The following INF2 variants were observed in gnomAD, a reference collection of about 807,000 sequenced individuals.
INF2 encodes inverted formin 2.
INF2 carries 43 observed loss-of-function variants against 123.5 expected under a neutral mutation model. The observed-to-expected ratio is 0.35, with a 90% confidence interval of 0.27 to 0.45. The LOEUF is 0.45. Ranked by LOEUF, INF2 falls within the 20% of genes least tolerant of loss-of-function variation. The pLI is 1.00. For missense variants in INF2, 1,453 were observed against 1,682.7 expected (o/e 0.86, Z 2.39); for synonymous variants, 851 against 745.0 (o/e 1.14, Z -2.32).
chr14:104,715,476 C>T (rs1024836506), intron 22 of INF2, 136 bp downstream of exon 22: 8 of 838,052 alleles, frequency 9.5e-6, no homozygotes, highest in Admixed American at 1.8e-5. Context: ...GTGGCCTTGC[C>T]GCTCCCGCAG....
At chr14:104,684,925 C>T (rs925068824), upstream of INF2, 2 of 152,218 alleles carry the variant, frequency 1.3e-5, no homozygotes, top group African/African-American at 2.4e-5. The surrounding 1 kb of genome is among the most constrained non-coding windows in gnomAD (Gnocchi z 5.0). Flanking sequence ...AACTCCCGGC[C>T]AAGAGCACTA....
At chr14:104,698,038 A>G (rs538968485) in intron 1 of INF2, among the ~76,000 whole-genome samples, 1 of 152,366 alleles carries the variant, frequency 6.6e-6, no homozygotes, top group Admixed American at 6.5e-5. Context: ...TGTAGAAAAG[A>G]TTGCGAAGAA....
chr14:104,711,653 C>T lies in INF2; in HGVS notation c.2443C>T (p.Leu815Phe). Residue 815 changes from leucine (L) to phenylalanine (F), a missense_variant, in exon 16 of 23, where the codon CTC becomes TTC. Physicochemically the swap from Leu to Phe is conservative, Grantham distance 22. Coordinates refer to ENST00000392634, the MANE Select transcript of INF2 (RefSeq NM_022489.4). Reference protein sequence around the residue: ...LEEAEKSHPDLLQLPRDLEQP... With the variant: ...LEEAEKSHPDFLQLPRDLEQP... ...GGAAGCGGAAAAGAGCCACCCCGACCTCCTGCAGCTGCCCCGGGACCTGGA... is the reference window on the plus strand; with the variant it reads ...GGAAGCGGAAAAGAGCCACCCCGACTTCCTGCAGCTGCCCCGGGACCTGGA... 1.2e-6 allele frequency: 2 copies of T among 1,612,528 alleles called. No homozygotes were observed. Among genetic ancestry groups the T allele is most frequent in the Non-Finnish European group, 1.7e-6 (2 of 1,179,722 alleles).
At chr14:104,711,056 G>T in intron 14 of INF2, 23 bp from the exon 15 acceptor site, 1 of 1,605,894 alleles carries the variant, frequency 6.2e-7, no homozygotes, top group South Asian at 1.1e-5. Context: ...GGGCTGGTGA[G>T]ACTCACTCCC....
At chr14:104,709,575 G>A in intron 11 of INF2, 45 bp from the exon 12 acceptor site, 1 of 1,561,048 alleles carries the variant, frequency 6.4e-7, no homozygotes, top group Non-Finnish European at 8.8e-7. Flanking sequence ...GGGAGGGCGG[G>A]AAGCTGGCAT....
intron 12 of INF2, 114 bp from the exon 13 acceptor site, chr14:104,709,974 G>A (rs1889969152): frequency 3.1e-6 from 3 of 968,678 alleles, no homozygotes; most frequent in East Asian, 2.6e-5. Flanking sequence ...GGGGCAGGCG[G>A]TGGAAACCCC....
At chr14:104,698,505 G>T (rs911955748) in intron 1 of INF2, among the ~76,000 whole-genome samples, 12 of 152,248 alleles carry the variant, frequency 7.9e-5, no homozygotes, top group Admixed American at 6.5e-4. Flanking sequence ...TATAGACACA[G>T]GGAAGGCTCG....
chr14:104,712,899 C>T lies in INF2; in HGVS notation c.2682C>T (p.Ala894=), dbSNP rs770520588. 2.2e-5 allele frequency: 35 copies of T among 1,612,572 alleles called. No homozygotes were observed. Among genetic ancestry groups the T allele is most frequent in the East Asian group, 8.9e-5 (4 of 44,888 alleles). The change falls in exon 18 of 23, where the codon GCC becomes GCT. Residue 894 remains alanine (A), a synonymous_variant. Coordinates refer to ENST00000392634, the MANE Select transcript of INF2 (RefSeq NM_022489.4). Reference sequence around the variant, plus strand: ...TCGAGCAGAAGCAACGGGAGCTGGCCGACTACCTGTGTGAGGACGCCCAGC... The same window carrying T: ...TCGAGCAGAAGCAACGGGAGCTGGCTGACTACCTGTGTGAGGACGCCCAGC... ...EAIEQKQREL[A]DYLCEDAQQL... is the part of the protein sequence containing the mutation.
chr14:104,681,169 G>C, exon 1 of INF2: 1 of 284,684 alleles, frequency 3.5e-6, no homozygotes, highest in South Asian at 3.3e-5. Context: ...AGGATCCACA[G>C]ACTGGCATAT....
At position 104,710,207 on chromosome 14, in the gene INF2, G is replaced by A; in HGVS notation, c.2239+19G>A. ...TGCGAAAGTGAGTGGGGCCAAGCGG[G>A]GCACGTGTGCAGGAGGGACAGGCCT... is the stretch of plus-strand genomic sequence containing the variant. On this transcript the variant is annotated intron_variant, in intron 13 of 22. Transcript: ENST00000392634. 7.9e-6 allele frequency: 12 copies of A among 1,527,644 alleles called. No individual in the cohort carries two copies. The highest frequency in any genetic ancestry group is 1.4e-5 in the African/African-American group (1 of 72,784). The allele number at this position is 1,527,644 out of a possible 1,614,324, so 94.6% of individuals were successfully genotyped here.
intron 1 of INF2, among the ~76,000 whole-genome samples, chr14:104,683,531 G>A (rs978265497): frequency 6.6e-6 from 1 of 152,056 alleles, no homozygotes; most frequent in Non-Finnish European, 1.5e-5. Context: ...AGGCCCGCAG[G>A]GGAGGGCAGA....
rs1566781651 is a variant in INF2 at position 104,707,586 on chromosome 14, C to T, written c.1319C>T (p.Pro440Leu). The change falls in exon 8 of 23, where the codon CCT (proline) becomes CTT (leucine). Residue 440 changes from proline to leucine, a missense_variant. Physicochemically the swap from Pro to Leu is moderately conservative, Grantham distance 98. This residue lies in a region of INF2 where 374 missense variants were observed against 303.7 expected (regional missense o/e 1.23). Coordinates refer to ENST00000392634, the MANE Select transcript of INF2 (RefSeq NM_022489.4). ...LPGSSAEPPP[P>L]PPPPPLPSVG... Reference sequence around the variant, plus strand: ...GGTTCCAGTGCCGAGCCCCCTCCCCCTCCCCCACCACCCCCCCTGCCCAGT... The same window carrying T: ...GGTTCCAGTGCCGAGCCCCCTCCCCTTCCCCCACCACCCCCCCTGCCCAGT... 1.8e-6 allele frequency: 2 copies of T among 1,083,194 alleles called. No homozygotes were observed. Among genetic ancestry groups the T allele is most frequent in the East Asian group, 5.1e-5 (1 of 19,554 alleles). 67.1% of individuals were successfully genotyped at this position (1,083,194 alleles called of 1,614,324 possible).
intron 2 of INF2, 112 bp downstream of exon 2, chr14:104,701,868 A>C: frequency 8.2e-7 from 1 of 1,218,766 alleles, no homozygotes; most frequent in Non-Finnish European, 1.1e-6. Flanking sequence ...AAGCGCAGCC[A>C]GGCAGGCAAG....
At chr14:104,687,728 G>C (rs908183415), upstream of INF2, among the ~76,000 whole-genome samples, 1 of 152,090 alleles carries the variant, frequency 6.6e-6, no homozygotes, top group Admixed American at 6.5e-5. This position sits in a 1 kb window ranked among gnomAD's most constrained non-coding sequence, Gnocchi z 5.6. Flanking sequence ...TCCCCCATCA[G>C]GGCAGGAAAG....
Position 104,721,431 on chromosome 14 carries a change from CTG to C in INF2, c.*2642_*2643del, listed in dbSNP as rs1462200051. On this transcript the variant is annotated 3_prime_UTR_variant, in exon 23 of 23. Coordinates refer to ENST00000392634, the MANE Select transcript of INF2 (RefSeq NM_022489.4). ...CTCGTGTGGATGCTGCTGTGGACGTCTGTGTAGTCTCATGTGGATGCTGCGAG... is the reference window on the plus strand; with the variant it reads ...CTCGTGTGGATGCTGCTGTGGACGTCTGTAGTCTCATGTGGATGCTGCGAG... 1.2e-5 allele frequency: 2 copies of C among 161,532 alleles called. No homozygotes were observed. Among genetic ancestry groups the C allele is most frequent in the Non-Finnish European group, 2.7e-5 (2 of 73,918 alleles). The allele number at this position is 161,532 out of a possible 1,614,324, so 10.0% of individuals were successfully genotyped here. A position where few individuals can be genotyped will look rare whatever the true frequency, so the allele number is the denominator to read the frequency against.
intron 1 of INF2, among the ~76,000 whole-genome samples, chr14:104,691,957 G>A (rs1456312117): frequency 1.3e-5 from 2 of 152,118 alleles, no homozygotes; most frequent in African/African-American, 4.8e-5. Flanking sequence ...GGAGAGCAGG[G>A]CAGACCGGTG....
chr14:104,689,301 G>GAGGCGGTGGAGGGCAGGGACGGGGC (rs1888806159), upstream of INF2: 1 of 968,948 alleles, frequency 1.0e-6, no homozygotes, highest in African/African-American at 1.8e-5. Context: ...AGGTGGACGG[G>GAGGCGGTGGAGGGCAGGGACGGGGC]AGGCGGTGGA....
At chr14:104,706,203 G>A (rs1396027398) in intron 6 of INF2, 27 bp downstream of exon 6, 3 of 1,544,786 alleles carry the variant, frequency 1.9e-6, no homozygotes, top group Non-Finnish European at 2.6e-6. Context: ...AGGGCGGAGG[G>A]CAGCCCTCCA....
chr14:104,707,644 G>T lies in INF2; in HGVS notation c.1377G>T (p.Pro459=), dbSNP rs776870726. The change falls in exon 8 of 23, where the codon CCG becomes CCT. Residue 459 remains proline, a synonymous_variant. Transcript: ENST00000392634. Reference sequence around the variant, plus strand: ...CTAAGGCCCTCCCAACAGCACCCCCGCCCCCACCCCTGCCAGGCCTGGGGG... The same window carrying T: ...CTAAGGCCCTCCCAACAGCACCCCCTCCCCCACCCCTGCCAGGCCTGGGGG... ...VGAKALPTAP[P]PPPLPGLGAM... 2 of 394,368 alleles carry T rather than the reference G, an allele frequency of 5.1e-6. No homozygotes were observed. The highest frequency in any genetic ancestry group is 8.5e-6 in the Non-Finnish European group (2 of 236,512). The allele number at this position is 394,368 out of a possible 1,614,324, so 24.4% of individuals were successfully genotyped here. A position where few individuals can be genotyped will look rare whatever the true frequency, so the allele number is the denominator to read the frequency against.
Sources: allele counts gnomAD v4.1 joint callset (sites outside exome capture counted in the v4.1 genomes callset), GRCh38; gene constraint gnomAD v4.1.1; regional missense constraint gnomAD v4.1.1; non-coding constraint Gnocchi (gnomAD v3.1); transcripts MANE v1.5; gene names NCBI Gene and HGNC (gene_info 2026-07-23, HGNC 2026-07-21).